Variants in PPFIBP1 observed in about 807,000 individuals in gnomAD.
The protein encoded by PPFIBP1 is liprin-beta-1.
A neutral mutation model predicts 137.8 loss-of-function variants in PPFIBP1; 112 were observed. The observed-to-expected ratio is 0.81, with a 90% CI of 0.70 to 0.95. PPFIBP1 has a LOEUF of 0.95. Among genes scored for constraint, PPFIBP1 ranks in the 40% least tolerant of loss-of-function variants. The probability of loss-of-function intolerance (pLI) is 0.00; values close to 1 mark genes in which losing one functional copy is unlikely to be tolerated. For synonymous variants in PPFIBP1, 378 were observed against 417.3 expected (o/e 0.91, Z 1.15); for missense variants, 1,083 against 1,196.6 (o/e 0.91, Z 1.40).
intron 4 of PPFIBP1, among the ~76,000 whole-genome samples, chr12:27,641,593 T>G (rs1376169088): frequency 1.3e-5 from 2 of 152,212 alleles, no homozygotes; most frequent in Non-Finnish European, 2.9e-5. Flanking sequence ...GGAAAGATGT[T>G]AACATTTATT....
At chr12:27,595,893 AT>A (rs1565838160) in intron 2 of PPFIBP1, among the ~76,000 whole-genome samples, 11,791 of 83,748 alleles carry the variant, frequency 0.14, 712 homozygotes, top group Admixed American at 0.22. Context: ...CAAAATATAT[AT>A]ATATATATAT....
chr12:27,686,580 T>C (rs1398588457), intron 24 of PPFIBP1, among the ~76,000 whole-genome samples: 2 of 152,206 alleles, frequency 1.3e-5, no homozygotes, highest in African/African-American at 4.8e-5. Flanking sequence ...CCAAAATTGT[T>C]CACAATGTCT....
At chr12:27,586,003 C>A (rs959584974) in intron 2 of PPFIBP1, among the ~76,000 whole-genome samples, 1 of 152,164 alleles carries the variant, frequency 6.6e-6, no homozygotes, top group Non-Finnish European at 1.5e-5. Context: ...ATTCTGTAGT[C>A]ATTAGGAACA....
At chr12:27,633,988 C>T (rs1456763649) in intron 3 of PPFIBP1, among the ~76,000 whole-genome samples, 1 of 151,756 alleles carries the variant, frequency 6.6e-6, no homozygotes, top group Non-Finnish European at 1.5e-5. Context: ...AGGCACCCAC[C>T]ACCACGCCTG....
chr12:27,682,669 G>T lies in PPFIBP1; in HGVS notation c.2213G>T (p.Arg738Leu). The T allele has an allele frequency of 6.2e-7, 1 of 1,614,126 alleles. No individual in the cohort carries two copies. Reference protein sequence around the residue: ...PQYKTQFDEGRVDGRMLHYMT... With the variant: ...PQYKTQFDEGLVDGRMLHYMT... ...TATAAGACCCAGTTTGATGAAGGAC[G>T]GGTTGATGGTCGAATGCTACATTAC... Residue 738 changes from arginine (R) to leucine (L), a missense_variant, in exon 24 of 30, where the codon CGG (arginine) becomes CTG (leucine). Coordinates refer to ENST00000228425, the MANE Select transcript of PPFIBP1 (RefSeq NM_003622.4).
chr12:27,562,882 T>G (rs78311614), intron 1 of PPFIBP1, among the ~76,000 whole-genome samples: 7,259 of 152,260 alleles, frequency 0.048, 253 homozygotes, highest in Middle Eastern at 0.088. Flanking sequence ...TTCATGGTTA[T>G]ACCCTGAAAA....
Position 27,646,059 on chromosome 12 carries a change from C to T in PPFIBP1, c.271-3C>T. The T allele has an allele frequency of 1.9e-6, 3 of 1,596,114 alleles. No individual in the cohort carries two copies. The highest frequency in any genetic ancestry group is 2.6e-6 in the Non-Finnish European group (3 of 1,165,458). On this transcript the variant is annotated splice_region_variant and splice_polypyrimidine_tract_variant and intron_variant, in intron 4 of 29. Coordinates refer to ENST00000228425, the MANE Select transcript of PPFIBP1 (RefSeq NM_003622.4). ...GCCTTACCCATATTACTTCCTTTTT[C>T]AGACAAATGGACACCTACCAGGGAA... is the stretch of plus-strand genomic sequence containing the variant.
At chr12:27,649,561 T>G (rs2058746910) in intron 6 of PPFIBP1, among the ~76,000 whole-genome samples, 1 of 152,204 alleles carries the variant, frequency 6.6e-6, no homozygotes, top group South Asian at 2.1e-4. Context: ...TTATTTTATT[T>G]TATTTTTGAG....
At chr12:27,594,100 A>G in intron 2 of PPFIBP1, 1 of 1,124,056 alleles carries the variant, frequency 8.9e-7, no homozygotes, top group Non-Finnish European at 1.2e-6. Flanking sequence ...AAAGAAGAAA[A>G]AAGAAAAAGT....
At chr12:27,648,691 A>G (rs758421248) in intron 6 of PPFIBP1, among the ~76,000 whole-genome samples, 7 of 152,356 alleles carry the variant, frequency 4.6e-5, no homozygotes, top group Middle Eastern at 3.4e-3. Context: ...AGATTCAGTC[A>G]TTTGCAACAA....
At chr12:27,656,950 T>C in intron 9 of PPFIBP1, 1 of 416,994 alleles carries the variant, frequency 2.4e-6, no homozygotes. Flanking sequence ...TTCTGTACTT[T>C]ATTTGGTGTT....
At chr12:27,594,137 T>G in intron 2 of PPFIBP1, 1 of 591,196 alleles carries the variant, frequency 1.7e-6, no homozygotes, top group Non-Finnish European at 2.5e-6. Context: ...AAGAGAATCA[T>G]GGTACTTAAG....
At chr12:27,635,158 G>A (rs767379938) in intron 4 of PPFIBP1, 43 bp downstream of exon 4, 1 of 1,595,636 alleles carries the variant, frequency 6.3e-7, no homozygotes, top group South Asian at 1.1e-5. Flanking sequence ...ATCCTTTGTT[G>A]CTTATTCCAA....
intron 1 of PPFIBP1, among the ~76,000 whole-genome samples, chr12:27,532,658 T>C (rs916357512): frequency 6.6e-6 from 1 of 152,128 alleles, no homozygotes; most frequent in Non-Finnish European, 1.5e-5. Flanking sequence ...GGGATTTGAC[T>C]GGGTCTTAAA....
intron 27 of PPFIBP1, among the ~76,000 whole-genome samples, chr12:27,690,953 A>G (rs1261248690): frequency 2.6e-5 from 4 of 151,552 alleles, no homozygotes; most frequent in Admixed American, 6.6e-5. Context: ...ATCCCAACCA[A>G]CTTGATGGGT....
chr12:27,549,591 GA>G (rs1364566515), intron 1 of PPFIBP1: 3 of 151,810 alleles, frequency 2.0e-5, no homozygotes, highest in African/African-American at 7.3e-5. Flanking sequence ...AAGAATGAAG[GA>G]AGTCTATCAA....
At chr12:27,647,599 C>G (rs1215420473) in intron 5 of PPFIBP1, 130 bp from the exon 6 acceptor site, 2 of 576,706 alleles carry the variant, frequency 3.5e-6, no homozygotes, top group Admixed American at 3.1e-5. Context: ...TGGTACTTCT[C>G]AGATTTTTTT....
At chr12:27,528,690 C>CA (rs969696015) in intron 1 of PPFIBP1, among the ~76,000 whole-genome samples, 10 of 149,984 alleles carry the variant, frequency 6.7e-5, no homozygotes, top group African/African-American at 1.7e-4. Flanking sequence ...TTTTCCACTT[C>CA]AAAAAAAAAC....
At chr12:27,572,173 T>A (rs2050204940) in intron 1 of PPFIBP1, among the ~76,000 whole-genome samples, 4 of 152,210 alleles carry the variant, frequency 2.6e-5, no homozygotes, top group Admixed American at 2.6e-4. Flanking sequence ...TACATTGTTA[T>A]GTAAATTTTG....
Sources: allele counts gnomAD v4.1 joint callset (sites outside exome capture counted in the v4.1 genomes callset), GRCh38; gene constraint gnomAD v4.1.1; transcripts MANE v1.5; gene names NCBI Gene and HGNC (gene_info 2026-07-23, HGNC 2026-07-21).